RPTOR: variants seen among roughly 807,000 people sequenced by gnomAD.
RPTOR encodes regulatory associated protein of MTOR complex 1, also known as regulatory-associated protein of mTOR.
In RPTOR, 21 loss-of-function variants were observed where a neutral mutation model predicts 169.9. That is an observed-to-expected ratio of 0.12 (90% CI 0.09 to 0.18). The LOEUF (loss-of-function observed/expected upper bound fraction) is 0.18, where lower values mean the gene tolerates loss of function less well. Among genes scored for constraint, RPTOR ranks in the 10% least tolerant of loss-of-function variants. RPTOR has a pLI of 1.00. For synonymous variants in RPTOR, 732 were observed against 753.2 expected (o/e 0.97, Z 0.46); for missense variants, 1,133 against 1,855.9 (o/e 0.61, Z 7.16).
intron 17 of RPTOR, among the ~76,000 whole-genome samples, chr17:80,890,247 T>C (rs991008922): frequency 2.6e-5 from 4 of 152,244 alleles, no homozygotes; most frequent in African/African-American, 7.2e-5. Context: ...CTCCCAGCTC[T>C]GGCTTTTCTC....
intron 6 of RPTOR, chr17:80,773,761 C>A: frequency 1.0e-6 from 1 of 984,852 alleles, no homozygotes; most frequent in Non-Finnish European, 1.2e-6. Flanking sequence ...TGATGGGTAG[C>A]CTTGCTGGGG....
chr17:80,647,420 G>T (rs1261693929), intron 3 of RPTOR, among the ~76,000 whole-genome samples: 3 of 152,116 alleles, frequency 2.0e-5, no homozygotes, highest in African/African-American at 7.2e-5. Context: ...TCTTTTTAGA[G>T]AATTTTTCTA....
In RPTOR at chr17:80,924,131, A is replaced by G. The variant is rs901769131; in HGVS notation, c.2808+458A>G. ...TTCTGTGAACATCCAAGTACGCTGC[A>G]TAAATAGGTACACTCTCTTTGCCTT... On this transcript the variant is annotated intron_variant, in intron 23 of 33. Coordinates refer to ENST00000306801, the MANE Select transcript of RPTOR (RefSeq NM_020761.3). The G allele has an allele frequency of 4.6e-5, 8 of 173,992 alleles. 1 individual carries two copies. The highest frequency in any genetic ancestry group is 1.8e-4 in the Admixed American group (3 of 16,906). The allele number at this position is 173,992 out of a possible 1,614,324, so 10.8% of individuals were successfully genotyped here.
chr17:80,555,075 G>A (rs2084392336), intron 1 of RPTOR, among the ~76,000 whole-genome samples: 1 of 152,130 alleles, frequency 6.6e-6, no homozygotes, highest in African/African-American at 2.4e-5. Context: ...GACCGTAAAG[G>A]GGCCCTGCTG....
At chr17:80,948,602 G>C (rs1209458688) in intron 27 of RPTOR, 2 of 152,538 alleles carry the variant, frequency 1.3e-5, no homozygotes, top group Non-Finnish European at 2.9e-5. Context: ...AAGGGCTCCA[G>C]CTCCAAAACC....
intron 6 of RPTOR, among the ~76,000 whole-genome samples, chr17:80,761,232 G>A (rs1463718061): frequency 6.6e-6 from 1 of 152,134 alleles, no homozygotes; most frequent in Admixed American, 6.5e-5. Flanking sequence ...ATAACCCAGT[G>A]GGACTTCATT....
At chr17:80,564,608 C>CTT (rs11326960) in intron 1 of RPTOR, among the ~76,000 whole-genome samples, 4 of 147,946 alleles carry the variant, frequency 2.7e-5, no homozygotes, top group African/African-American at 1.0e-4. Context: ...TACCCAACAG[C>CTT]TTTTTTTTTT....
chr17:80,586,096 G>A (rs1442634601), intron 1 of RPTOR, among the ~76,000 whole-genome samples: 1 of 152,110 alleles, frequency 6.6e-6, no homozygotes, highest in Non-Finnish European at 1.5e-5. Flanking sequence ...GGGCCGCTAG[G>A]CAGGATGTTG....
chr17:80,568,517 G>A (rs796268844), intron 1 of RPTOR, among the ~76,000 whole-genome samples: 8 of 152,228 alleles, frequency 5.3e-5, no homozygotes, highest in African/African-American at 1.9e-4. Context: ...TTGGAATTTA[G>A]CAGTTTGATT....
chr17:80,717,928 G>C (rs80207828), intron 4 of RPTOR, among the ~76,000 whole-genome samples: 73 of 152,264 alleles, frequency 4.8e-4, no homozygotes, highest in African/African-American at 1.8e-3. Context: ...AACGTTTATC[G>C]GGAGAAGGAT....
chr17:80,769,183 A>G (rs1484663102), intron 6 of RPTOR, among the ~76,000 whole-genome samples: 1 of 152,164 alleles, frequency 6.6e-6, no homozygotes, highest in Non-Finnish European at 1.5e-5. Flanking sequence ...CAAGCTGGCA[A>G]GTAGACCCAT....
intron 25 of RPTOR, among the ~76,000 whole-genome samples, chr17:80,944,846 C>G (rs1183342424): frequency 6.6e-6 from 1 of 152,130 alleles, no homozygotes; most frequent in Admixed American, 6.5e-5. Context: ...CAAAAATTAG[C>G]TGGGCGTGGT....
chr17:80,547,672 T>G (rs1189292723), intron 1 of RPTOR, among the ~76,000 whole-genome samples: 4 of 152,140 alleles, frequency 2.6e-5, no homozygotes, highest in Non-Finnish European at 5.9e-5. Context: ...AAAGGTCAGG[T>G]CCTTTGGAAT....
At chr17:80,569,353 T>C (rs1246124347) in intron 1 of RPTOR, among the ~76,000 whole-genome samples, 2 of 152,126 alleles carry the variant, frequency 1.3e-5, no homozygotes, top group Non-Finnish European at 2.9e-5. Context: ...TAGGGCTTGT[T>C]TGCTGTCTTT....
rs189667523 is a variant in RPTOR, at chr17:80,568,805, G to A, written c.162+23014G>A. On this transcript the variant is annotated intron_variant, in intron 1 of 33. Coordinates refer to ENST00000306801, the MANE Select transcript of RPTOR (RefSeq NM_020761.3). ...ATTGTTTCTGTTGCAATGTCTTCGC[G>A]TTCTCTCATCTATTCTTCTATAGTA... Among the ~76,000 whole-genome samples, 89 of 152,036 alleles carry A rather than the reference G, an allele frequency of 5.9e-4. 1 individual carries two copies. In the East Asian group the frequency reaches 0.014, roughly 25 times the overall value.
At chr17:80,920,782 C>T (rs1358848473) in intron 21 of RPTOR, among the ~76,000 whole-genome samples, 1 of 152,240 alleles carries the variant, frequency 6.6e-6, no homozygotes, top group Non-Finnish European at 1.5e-5. Context: ...TCTGTCTTCC[C>T]CGTCACCTCC....
intron 22 of RPTOR, among the ~76,000 whole-genome samples, chr17:80,923,194 G>A (rs569924237): frequency 2.0e-5 from 3 of 152,298 alleles, no homozygotes; most frequent in East Asian, 3.9e-4. Flanking sequence ...TGCTGAGCTC[G>A]CACATCCCGG....
chr17:80,739,320 C>T (rs889617250), intron 5 of RPTOR, among the ~76,000 whole-genome samples: 6 of 152,192 alleles, frequency 3.9e-5, no homozygotes, highest in Non-Finnish European at 7.3e-5. Context: ...GTCAGAAACA[C>T]GGAAGAGGTG....
intron 7 of RPTOR, among the ~76,000 whole-genome samples, chr17:80,813,383 C>T (rs1056750915): frequency 1.3e-5 from 2 of 152,224 alleles, no homozygotes; most frequent in Non-Finnish European, 2.9e-5. Flanking sequence ...ATCTTCACTT[C>T]GAATTGTTTT....
Sources: allele counts gnomAD v4.1 joint callset (sites outside exome capture counted in the v4.1 genomes callset), GRCh38; gene constraint gnomAD v4.1.1; transcripts MANE v1.5; gene names NCBI Gene and HGNC (gene_info 2026-07-23, HGNC 2026-07-21).